The following SPATS2 variants were observed in gnomAD, a reference collection of about 807,000 sequenced individuals.
The protein encoded by SPATS2 is spermatogenesis-associated serine-rich protein 2.
Under a neutral mutation model 63.7 loss-of-function variants are expected in SPATS2, and 38 were observed. The ratio of observed to expected loss-of-function variants is 0.60; its 90% CI spans 0.46 to 0.78. The LOEUF (loss-of-function observed/expected upper bound fraction) is 0.78. Ranked by LOEUF, SPATS2 falls within the 30% of genes least tolerant of loss-of-function variation. The pLI, the probability that SPATS2 is intolerant of heterozygous loss-of-function variation, is 0.00. For missense variants in SPATS2, 588 were observed against 666.2 expected (o/e 0.88, Z 1.29); for synonymous variants, 207 against 232.9 (o/e 0.89, Z 1.01).
chr12:49,372,940 T>TG (rs1944024546), intron 2 of SPATS2, among the ~76,000 whole-genome samples: 3 of 130,138 alleles, frequency 2.3e-5, no homozygotes, highest in Non-Finnish European at 3.3e-5. Context: ...ATTTTCTGTT[T>TG]TGTGTGTGTG....
chr12:49,413,323 C>T (rs929615293), intron 2 of SPATS2, among the ~76,000 whole-genome samples: 2 of 152,106 alleles, frequency 1.3e-5, no homozygotes, highest in Non-Finnish European at 2.9e-5. Context: ...TCTCTATTTT[C>T]GTGTAGTCAC....
intron 9 of SPATS2, among the ~76,000 whole-genome samples, chr12:49,510,694 T>C (rs774372349): frequency 5.3e-5 from 8 of 152,226 alleles, no homozygotes; most frequent in Non-Finnish European, 1.0e-4. Flanking sequence ...TCAAGAGTTG[T>C]GTTTCCATTT....
intron 2 of SPATS2, among the ~76,000 whole-genome samples, chr12:49,382,102 C>A (rs1944232636): frequency 6.6e-6 from 1 of 152,228 alleles, no homozygotes; most frequent in Non-Finnish European, 1.5e-5. Flanking sequence ...CTTGCGATGC[C>A]TCTGTGCCTA....
intron 4 of SPATS2, chr12:49,486,173 A>G (rs1347009558): frequency 2.2e-6 from 1 of 447,782 alleles, no homozygotes; most frequent in Non-Finnish European, 4.5e-6. Context: ...AGAGTCTGTA[A>G]GTTTGGTGCC....
intron 2 of SPATS2, among the ~76,000 whole-genome samples, chr12:49,393,748 C>G (rs1317153884): frequency 6.6e-6 from 1 of 152,070 alleles, no homozygotes; most frequent in Non-Finnish European, 1.5e-5. Flanking sequence ...TGATGTGACC[C>G]CAGTAGTCTT....
At chr12:49,503,928 G>A (rs900157762) in intron 9 of SPATS2, among the ~76,000 whole-genome samples, 1 of 152,138 alleles carries the variant, frequency 6.6e-6, no homozygotes, top group African/African-American at 2.4e-5. Context: ...ATTAGCTGAC[G>A]TAACAACCAG....
intron 9 of SPATS2, among the ~76,000 whole-genome samples, chr12:49,511,993 A>T (rs1311089851): frequency 1.3e-5 from 2 of 152,224 alleles, no homozygotes; most frequent in African/African-American, 4.8e-5. Flanking sequence ...GAATTTGCAG[A>T]TGTAGATGAC....
intron 3 of SPATS2, among the ~76,000 whole-genome samples, chr12:49,468,616 A>G (rs1945973839): frequency 6.6e-6 from 1 of 152,032 alleles, no homozygotes; most frequent in South Asian, 2.1e-4. Context: ...AGCTGGGACT[A>G]CAGATACGTG....
chr12:49,470,058 T>C (rs1207586141), intron 3 of SPATS2, among the ~76,000 whole-genome samples: 1 of 152,076 alleles, frequency 6.6e-6, no homozygotes, highest in East Asian at 1.9e-4. Context: ...GATGGAGTTT[T>C]GCTTTTGTTG....
intron 2 of SPATS2, among the ~76,000 whole-genome samples, chr12:49,433,226 G>A (rs1297255863): frequency 6.6e-6 from 1 of 152,172 alleles, no homozygotes; most frequent in East Asian, 1.9e-4. Context: ...GCAGTTGCGT[G>A]ATCTCAGCTC....
Position 49,525,072 on chromosome 12 carries a change from C to A in SPATS2, c.1326+176C>A, listed in dbSNP as rs557720326. 4.6e-5 allele frequency among the ~76,000 whole-genome samples: 7 copies of A among 152,362 alleles called. No individual in the cohort carries two copies. The South Asian group carries it at 1.5e-3, about 32-fold the overall frequency. ...CATTAGATACGTATGTTCCAAACTGCCAGCCAGTTTAGATTTCCTGTTGCC... is the reference window on the plus strand; with the variant it reads ...CATTAGATACGTATGTTCCAAACTGACAGCCAGTTTAGATTTCCTGTTGCC... On this transcript the variant is annotated intron_variant, in intron 13 of 13. Coordinates refer to ENST00000552918, the MANE Select transcript of SPATS2 (RefSeq NM_023071.4).
In SPATS2 at chr12:49,461,021, GA is replaced by G; in HGVS notation, c.12del (p.Lys4AsnfsTer29). On this transcript the variant is annotated frameshift_variant, in exon 3 of 14. Coordinates refer to ENST00000552918, the MANE Select transcript of SPATS2 (RefSeq NM_023071.4). LOFTEE classifies it high-confidence loss of function. ...AGATCGAAGAAACGACAATGTCCAG[GA>G]AACAGAACCAGAAGGGTAAGATTAC... The part of the protein sequence containing the change: MSR[K>X]QNQKDSSGFI... The G allele has an allele frequency of 6.2e-7, 1 of 1,613,830 alleles. No homozygotes were observed. Among genetic ancestry groups the G allele is most frequent in the Non-Finnish European group, 8.5e-7 (1 of 1,179,922 alleles).
intron 9 of SPATS2, among the ~76,000 whole-genome samples, chr12:49,500,534 A>G (rs1946547254): frequency 6.6e-6 from 1 of 152,154 alleles, no homozygotes; most frequent in Non-Finnish European, 1.5e-5. Flanking sequence ...GTACTTTGGG[A>G]GGCCGAGGTG....
rs773291664 is a variant in SPATS2, at chr12:49,496,874, T to C, written c.568T>C (p.Ser190Pro). 2 of 1,614,174 alleles carry C rather than the reference T, an allele frequency of 1.2e-6. No individual in the cohort carries two copies. Among genetic ancestry groups the C allele is most frequent in the Non-Finnish European group, 8.5e-7 (1 of 1,180,022 alleles). The change falls in exon 8 of 14, where the codon TCT becomes CCT. Residue 190 changes from serine (S) to proline (P), a missense_variant. Transcript: ENST00000552918. ...QNGVSDFETK[S>P]LTMHSIHNSQ... ...TGGTGTCTCTGATTTTGAGACCAAG[T>C]CTTTGACTATGCACTCTATTCACAA... is the stretch of plus-strand genomic sequence containing the variant.
intron 1 of SPATS2, among the ~76,000 whole-genome samples, chr12:49,368,059 A>C (rs1419662618): frequency 1.3e-5 from 2 of 152,156 alleles, no homozygotes; most frequent in African/African-American, 4.8e-5. Context: ...CTTGGAATTG[A>C]AGGGGGAGAC....
At chr12:49,500,239 A>G in intron 9 of SPATS2, 34 bp downstream of exon 9, 1 of 1,579,504 alleles carries the variant, frequency 6.3e-7, no homozygotes, top group Non-Finnish European at 8.6e-7. Flanking sequence ...CAGTAGCATA[A>G]AAATGATCAT....
intron 1 of SPATS2, among the ~76,000 whole-genome samples, chr12:49,368,468 GTTGT>G (rs1359850360): frequency 2.0e-5 from 3 of 152,178 alleles, no homozygotes; most frequent in Admixed American, 1.3e-4. Context: ...CAAAAGCTTG[GTTGT>G]TTGTTTTCAG....
chr12:49,425,122 C>T (rs558366580), intron 2 of SPATS2, among the ~76,000 whole-genome samples: 4 of 152,152 alleles, frequency 2.6e-5, no homozygotes, highest in Admixed American at 6.5e-5. Flanking sequence ...CTTCTATTTA[C>T]GGTTTTTTTA....
chr12:49,405,025 A>G (rs985360386), intron 2 of SPATS2, among the ~76,000 whole-genome samples: 3 of 151,110 alleles, frequency 2.0e-5, no homozygotes, highest in African/African-American at 7.3e-5. Context: ...TTCACACTGC[A>G]GCAGCAGATT....
Sources: allele counts gnomAD v4.1 joint callset (sites outside exome capture counted in the v4.1 genomes callset), GRCh38; gene constraint gnomAD v4.1.1; transcripts MANE v1.5; gene names NCBI Gene and HGNC (gene_info 2026-07-23, HGNC 2026-07-21).